RBM34: variants seen among roughly 807,000 people sequenced by gnomAD.
RBM34 encodes the protein RNA-binding protein 34.
Under a neutral mutation model 44.6 loss-of-function variants are expected in RBM34, and 39 were observed. That is an observed-to-expected ratio of 0.87 (90% CI 0.68 to 1.14). The LOEUF (loss-of-function observed/expected upper bound fraction) is 1.14. Among genes scored for constraint, RBM34 ranks in the 50% most tolerant of loss-of-function variants. RBM34 has a pLI of 0.00. For synonymous variants in RBM34, 194 were observed against 184.0 expected, an observed-to-expected ratio of 1.05 and a Z score of -0.44; for missense variants, 572 against 517.9, an observed-to-expected ratio of 1.10 and a Z score of -1.01.
intron 6 of RBM34, among the ~76,000 whole-genome samples, chr1:235,139,973 C>T (rs1007245217): frequency 5.3e-5 from 8 of 152,374 alleles, no homozygotes; most frequent in Middle Eastern, 3.4e-3. Flanking sequence ...AGTGTGCGCC[C>T]ATCCTCAGGA....
intron 5 of RBM34, among the ~76,000 whole-genome samples, chr1:235,149,308 G>A (rs966169255): frequency 6.8e-6 from 1 of 147,502 alleles, no homozygotes; most frequent in Non-Finnish European, 1.5e-5. Flanking sequence ...AGAATGGCGT[G>A]AACCCGGGAG....
At chr1:235,160,438 C>A in intron 3 of RBM34, 73 bp downstream of exon 3, 1 of 1,482,538 alleles carries the variant, frequency 6.7e-7, no homozygotes, top group Admixed American at 1.9e-5. Flanking sequence ...ATAAAACTGA[C>A]GAATATTCCA....
At chr1:235,146,492 GGAA>G (rs1241716780) in intron 6 of RBM34, among the ~76,000 whole-genome samples, 3 of 152,158 alleles carry the variant, frequency 2.0e-5, no homozygotes, top group Admixed American at 1.3e-4. Flanking sequence ...GTTTTATGTG[GGAA>G]GAAGAACATC....
chr1:235,150,298 C>T (rs1173458927), intron 5 of RBM34, among the ~76,000 whole-genome samples: 2 of 152,188 alleles, frequency 1.3e-5, no homozygotes, highest in African/African-American at 4.8e-5. Context: ...TGGTCTCGAA[C>T]TTCTGAACTC....
At chr1:235,155,862 T>TATATATATAC (rs1322918501) in intron 3 of RBM34, among the ~76,000 whole-genome samples, 34 of 39,934 alleles carry the variant, frequency 8.5e-4, no homozygotes, top group African/African-American at 3.8e-3. Context: ...TATATATATA[T>TATATATATAC]ATATACATAT....
chr1:235,150,919 G>A (rs1363806346), intron 5 of RBM34, among the ~76,000 whole-genome samples: 8 of 152,184 alleles, frequency 5.3e-5, no homozygotes, highest in Non-Finnish European at 1.2e-4. Flanking sequence ...GGCCCCGTGA[G>A]GGGTGTGTGT....
chr1:235,148,029 G>A (rs555229148), intron 6 of RBM34, among the ~76,000 whole-genome samples: 2 of 152,106 alleles, frequency 1.3e-5, no homozygotes, highest in Non-Finnish European at 2.9e-5. Flanking sequence ...GTCACAGGCT[G>A]GCAGTATACC....
chr1:235,154,049 A>G (rs950345680), intron 4 of RBM34, among the ~76,000 whole-genome samples: 1 of 152,088 alleles, frequency 6.6e-6, no homozygotes, highest in Admixed American at 6.6e-5. Flanking sequence ...AATCGAGACC[A>G]TCCTGGCTAG....
chr1:235,156,157 C>T (rs111556706), intron 3 of RBM34, among the ~76,000 whole-genome samples: 1 of 151,356 alleles, frequency 6.6e-6, no homozygotes, highest in South Asian at 2.1e-4. Context: ...CATGAGCCAC[C>T]GCGCCCAGTC....
intron 6 of RBM34, among the ~76,000 whole-genome samples, chr1:235,141,788 G>A (rs1028795684): frequency 4.6e-5 from 7 of 151,990 alleles, no homozygotes; most frequent in Non-Finnish European, 1.0e-4. Flanking sequence ...CACTCACTGC[G>A]AAGGTCTGCA....
At chr1:235,152,962 C>T (rs1347019892) in intron 4 of RBM34, among the ~76,000 whole-genome samples, 197 bp from the exon 5 acceptor site, 1 of 151,242 alleles carries the variant, frequency 6.6e-6, no homozygotes, top group Non-Finnish European at 1.5e-5. Flanking sequence ...TCCGCCCCCA[C>T]GGCTTCAAGT....
intron 6 of RBM34, among the ~76,000 whole-genome samples, chr1:235,141,028 G>C (rs1661662760): frequency 6.7e-6 from 1 of 148,620 alleles, no homozygotes; most frequent in Non-Finnish European, 1.5e-5. Context: ...TCGACACTCA[G>C]TATCTAGCTG....
At chr1:235,158,995 T>G (rs1198072728) in intron 3 of RBM34, among the ~76,000 whole-genome samples, 1 of 151,378 alleles carries the variant, frequency 6.6e-6, no homozygotes, top group Non-Finnish European at 1.5e-5. Context: ...ACTGGATCAC[T>G]TGAGTCCAGC....
chr1:235,148,319 A>G, intron 6 of RBM34, 85 bp downstream of exon 6: 3 of 980,060 alleles, frequency 3.1e-6, no homozygotes, highest in South Asian at 1.7e-5. Flanking sequence ...AATAAAATCT[A>G]TGCAATTGTT....
At chr1:235,132,690 G>T (rs1661266687) in intron 10 of RBM34, among the ~76,000 whole-genome samples, 2 of 152,038 alleles carry the variant, frequency 1.3e-5, no homozygotes, top group African/African-American at 4.8e-5. Context: ...CTGACCAGAG[G>T]GCAGGGAACG....
intron 6 of RBM34, among the ~76,000 whole-genome samples, chr1:235,146,589 G>T (rs945727959): frequency 1.8e-4 from 28 of 152,112 alleles, no homozygotes; most frequent in Admixed American, 1.6e-3. Context: ...TAGGGAATTG[G>T]CTGACTAGAG....
In RBM34 at chr1:235,160,905, C is replaced by A. The variant is rs1364484025; in HGVS notation, c.216G>T (p.Val72=). The A allele has an allele frequency of 1.2e-6, 2 of 1,613,962 alleles. No individual in the cohort carries two copies. Among genetic ancestry groups the A allele is most frequent in the South Asian group, 2.2e-5 (2 of 91,082 alleles). ...SLEPQIQPVY[V]PVPKQTIKKT... is the part of the protein sequence containing the mutation. Reference sequence around the variant, plus strand: ...CCCAGTGACTTACTTTAGGCACAGGCACGTACACGGGTTGAATCTGGGGCT... The same window carrying A: ...CCCAGTGACTTACTTTAGGCACAGGAACGTACACGGGTTGAATCTGGGGCT... The change falls in exon 2 of 11, where the codon GTG becomes GTT. Residue 72 remains valine, a synonymous_variant. Coordinates refer to ENST00000408888, the MANE Select transcript of RBM34 (RefSeq NM_015014.4).
At chr1:235,148,653 C>T (rs542211071) in intron 5 of RBM34, among the ~76,000 whole-genome samples, 9 of 151,380 alleles carry the variant, frequency 5.9e-5, no homozygotes, top group Admixed American at 2.0e-4. Flanking sequence ...GGCTGGAGTG[C>T]AGTGGCATGA....
intron 4 of RBM34, among the ~76,000 whole-genome samples, chr1:235,153,014 C>A (rs550966587): frequency 6.9e-6 from 1 of 144,150 alleles, no homozygotes; most frequent in Admixed American, 6.8e-5. Context: ...GGATTACAGG[C>A]GCCCGCCACC....
Sources: gnomAD v4.1 joint callset for allele counts (sites outside exome capture counted in the v4.1 genomes callset) on GRCh38, gnomAD v4.1.1 for gene constraint, MANE v1.5 for transcripts, NCBI Gene and HGNC (gene_info 2026-07-23, HGNC 2026-07-21) for gene names.